EYA3: variants seen among roughly 807,000 people sequenced by gnomAD.
EYA3 encodes EYA transcriptional coactivator and phosphatase 3.
EYA3 carries 39 observed loss-of-function variants against 80.0 expected under a neutral mutation model. The observed-to-expected ratio is 0.49, with a 90% CI of 0.38 to 0.64. EYA3 has a LOEUF of 0.64. EYA3 is among the 30% of genes least tolerant of loss of function. The pLI, the probability that EYA3 is intolerant of heterozygous loss-of-function variation, is 0.00. For missense variants in EYA3, 523 were observed against 676.1 expected, an observed-to-expected ratio of 0.77 and a Z score of 2.51; for synonymous variants, 206 against 232.8, an observed-to-expected ratio of 0.88 and a Z score of 1.05.
In EYA3 at chr1:27,988,520, G is replaced by A; in HGVS notation, c.1540+15C>T. Reference sequence around the variant, plus strand: ...ATTGCAAGGCCAGTGACAAGAAACAGCATAGAAACCATACCAATTTTGGTA... The same window carrying A: ...ATTGCAAGGCCAGTGACAAGAAACAACATAGAAACCATACCAATTTTGGTA... On this transcript the variant is annotated intron_variant, in intron 16 of 17. Transcript: ENST00000373871. The A allele has an allele frequency of 6.2e-7, 1 of 1,611,580 alleles. No individual in the cohort carries two copies. Among genetic ancestry groups the A allele is most frequent in the Non-Finnish European group, 8.5e-7 (1 of 1,179,166 alleles).
At chr1:28,063,008 C>CAA (rs1250302998) in intron 1 of EYA3, among the ~76,000 whole-genome samples, 21 of 85,238 alleles carry the variant, frequency 2.5e-4, no homozygotes, top group South Asian at 1.5e-3. Flanking sequence ...CGCTCCATCT[C>CAA]AAAAAAAAAA....
At position 28,003,038 on chromosome 1, in the gene EYA3, C is replaced by T. The variant is rs1249752698; in HGVS notation, c.993+1298G>A. ...TTGGGAGGCCGAGGTGGGCGGATCA[C>T]GAGGTCAGGAGATCAAGACCATCCT... On this transcript the variant is annotated intron_variant, in intron 11 of 17. Transcript: ENST00000373871. Among the ~76,000 whole-genome samples, 3 of 147,952 alleles carry T rather than the reference C, an allele frequency of 2.0e-5. No individual in the cohort carries two copies. In the East Asian group the frequency reaches 5.9e-4, roughly 29 times the overall value.
intron 1 of EYA3, among the ~76,000 whole-genome samples, chr1:28,067,819 C>A (rs1366915174): frequency 6.6e-6 from 1 of 152,118 alleles, no homozygotes; most frequent in African/African-American, 2.4e-5. Context: ...TGGACAGACA[C>A]GATTCTCTCT....
intron 10 of EYA3, among the ~76,000 whole-genome samples, chr1:28,004,756 G>T: frequency 6.6e-6 from 1 of 151,784 alleles, no homozygotes; most frequent in Non-Finnish European, 1.5e-5. Context: ...CCAAATCTAT[G>T]ACCTAATTGC....
At chr1:28,007,016 C>T (rs1371083991) in intron 10 of EYA3, among the ~76,000 whole-genome samples, 2 of 145,040 alleles carry the variant, frequency 1.4e-5, no homozygotes, top group Non-Finnish European at 3.0e-5. Context: ...TCTGGGCTCA[C>T]TGCAACCTCC....
intron 1 of EYA3, among the ~76,000 whole-genome samples, chr1:28,065,255 G>A (rs1644790334): frequency 6.6e-6 from 1 of 152,158 alleles, no homozygotes; most frequent in East Asian, 1.9e-4. Flanking sequence ...ATGGACAGAA[G>A]ATTAGTTCTT....
rs1351908932 is a variant in EYA3, at chr1:28,077,206, C to T, written c.-69+11318G>A. ...GCAACCTCCGCCTCCTGGATTCAAGCGATTCTCCTGCCTCAGCCTCCTGAG... is the reference window on the plus strand; with the variant it reads ...GCAACCTCCGCCTCCTGGATTCAAGTGATTCTCCTGCCTCAGCCTCCTGAG... On this transcript the variant is annotated intron_variant, in intron 1 of 17. Coordinates refer to ENST00000373871, the MANE Select transcript of EYA3 (RefSeq NM_001990.4). 4.2e-5 allele frequency among the ~76,000 whole-genome samples: 6 copies of T among 144,090 alleles called. No individual in the cohort carries two copies. In the South Asian group the frequency reaches 9.0e-4, roughly 22 times the overall value. The allele number at this position is 144,090 out of a possible 152,430, so 94.5% of individuals were successfully genotyped here. A position where few individuals can be genotyped will look rare whatever the true frequency, so the allele number is the denominator to read the frequency against.
chr1:28,028,077 G>A (rs1176300976), intron 6 of EYA3, 151 bp from the exon 7 acceptor site: 2 of 809,040 alleles, frequency 2.5e-6, no homozygotes, highest in Non-Finnish European at 3.8e-6. Context: ...TCTCCCACTT[G>A]TAATATATCA....
In EYA3 at chr1:27,977,143, G is replaced by A. The variant is rs1489615256; in HGVS notation, c.1641+1231C>T. 36 of 1,421,462 alleles carry A rather than the reference G, an allele frequency of 2.5e-5. No homozygotes were observed. In the South Asian group the frequency reaches 4.3e-4, roughly 17 times the overall value. The allele number at this position is 1,421,462 out of a possible 1,614,324, so 88.1% of individuals were successfully genotyped here. A position where few individuals can be genotyped will look rare whatever the true frequency, so the allele number is the denominator to read the frequency against. Reference sequence around the variant, plus strand: ...GAAACATTGATGCCTACACCCACTAGTGTCTTTCCCAAAGAGGGCAACAAG... The same window carrying A: ...GAAACATTGATGCCTACACCCACTAATGTCTTTCCCAAAGAGGGCAACAAG... On this transcript the variant is annotated intron_variant, in intron 17 of 17. Coordinates refer to ENST00000373871, the MANE Select transcript of EYA3 (RefSeq NM_001990.4).
intron 5 of EYA3, among the ~76,000 whole-genome samples, chr1:28,038,142 A>C (rs1643554025): frequency 6.6e-6 from 1 of 152,160 alleles, no homozygotes; most frequent in African/African-American, 2.4e-5. Context: ...GACATTCCTC[A>C]ATCAAGAAAC....
intron 11 of EYA3, among the ~76,000 whole-genome samples, chr1:28,001,508 G>C (rs1247232329): frequency 6.9e-6 from 1 of 144,078 alleles, no homozygotes; most frequent in African/African-American, 2.8e-5. Context: ...CAGCACTTTG[G>C]GAGGCCAAGG....
At chr1:28,064,329 T>G (rs191761249) in intron 1 of EYA3, among the ~76,000 whole-genome samples, 84 of 151,062 alleles carry the variant, frequency 5.6e-4, no homozygotes, top group Middle Eastern at 3.4e-3. Flanking sequence ...TTTTTCAACA[T>G]GCAGTTAGGT....
chr1:27,995,489 C>A (rs1640387440), intron 13 of EYA3, among the ~76,000 whole-genome samples: 1 of 149,822 alleles, frequency 6.7e-6, no homozygotes, highest in Non-Finnish European at 1.5e-5. Flanking sequence ...GTAATCCCAG[C>A]ACTTTGAGGG....
chr1:28,003,830 A>G (rs923793129), intron 11 of EYA3, among the ~76,000 whole-genome samples: 3 of 152,308 alleles, frequency 2.0e-5, no homozygotes, highest in African/African-American at 4.8e-5. Context: ...GTTAAAACTG[A>G]TATGTACACT....
At chr1:28,057,052 A>G (rs1203314028) in intron 2 of EYA3, among the ~76,000 whole-genome samples, 2 of 152,280 alleles carry the variant, frequency 1.3e-5, no homozygotes, top group East Asian at 3.9e-4. Flanking sequence ...CCAGTTGCTA[A>G]TGTCTTCCTA....
chr1:27,981,560 T>C (rs1194668815), intron 16 of EYA3, among the ~76,000 whole-genome samples: 1 of 151,774 alleles, frequency 6.6e-6, no homozygotes. Context: ...AATTCAACCA[T>C]ACAAAAAAGC....
chr1:28,029,266 A>G (rs1053442622), intron 6 of EYA3, among the ~76,000 whole-genome samples: 1 of 152,222 alleles, frequency 6.6e-6, no homozygotes, highest in Non-Finnish European at 1.5e-5. Flanking sequence ...ACTGTTTCAA[A>G]AATAAAAACT....
chr1:28,051,017 T>C (rs1014161846), intron 2 of EYA3, among the ~76,000 whole-genome samples: 1 of 152,112 alleles, frequency 6.6e-6, no homozygotes, highest in African/African-American at 2.4e-5. Flanking sequence ...TAGCAACCAG[T>C]CCTACAGAGA....
At chr1:27,983,546 T>C (rs1639451415) in intron 16 of EYA3, among the ~76,000 whole-genome samples, 1 of 152,250 alleles carries the variant, frequency 6.6e-6, no homozygotes, top group Non-Finnish European at 1.5e-5. Flanking sequence ...ATATATTTAC[T>C]GACAGTTTTG....
Sources: gnomAD v4.1 joint callset for allele counts (sites outside exome capture counted in the v4.1 genomes callset) on GRCh38, gnomAD v4.1.1 for gene constraint, MANE v1.5 for transcripts, NCBI Gene and HGNC (gene_info 2026-07-23, HGNC 2026-07-21) for gene names.